RAPGEF4: variants seen among roughly 807,000 people sequenced by gnomAD.
The protein encoded by RAPGEF4 is RAP guanine-nucleotide-exchange factor (GEF) 4.
RAPGEF4 carries 66 observed loss-of-function variants against 147.9 expected under a neutral mutation model. The observed-to-expected ratio is 0.45, with a 90% CI of 0.37 to 0.55. The LOEUF is 0.55. Among genes scored for constraint, RAPGEF4 ranks in the 20% least tolerant of loss-of-function variants. RAPGEF4 has a pLI of 0.00. For missense variants in RAPGEF4, 1,071 were observed against 1,257.3 expected (o/e 0.85, Z 2.24); for synonymous variants, 419 against 442.7 (o/e 0.95, Z 0.67).
chr2:172,838,486 A>G (rs1359508153), intron 4 of RAPGEF4, among the ~76,000 whole-genome samples: 2 of 152,146 alleles, frequency 1.3e-5, no homozygotes, highest in Admixed American at 1.3e-4. Flanking sequence ...TTTATGACTA[A>G]AAGGAAAGGA....
At chr2:172,906,887 T>C (rs1699682417) in intron 4 of RAPGEF4, among the ~76,000 whole-genome samples, 1 of 152,244 alleles carries the variant, frequency 6.6e-6, no homozygotes, top group African/African-American at 2.4e-5. Flanking sequence ...GACATGCCTC[T>C]ATAATGTCTC....
chr2:172,799,381 T>C (rs1321748227), intron 3 of RAPGEF4, among the ~76,000 whole-genome samples: 1 of 152,156 alleles, frequency 6.6e-6, no homozygotes, highest in Non-Finnish European at 1.5e-5. Context: ...ACAGATGCTC[T>C]TCACCACTGC....
At chr2:172,793,754 C>T (rs1197816686) in intron 1 of RAPGEF4, among the ~76,000 whole-genome samples, 1 of 152,198 alleles carries the variant, frequency 6.6e-6, no homozygotes, top group African/African-American at 2.4e-5. Flanking sequence ...TTTGATTTAT[C>T]TTAATCCAGA....
chr2:172,829,742 G>A (rs888309373), intron 4 of RAPGEF4, among the ~76,000 whole-genome samples: 26 of 151,000 alleles, frequency 1.7e-4, no homozygotes, highest in Admixed American at 5.3e-4. Context: ...GGATTAGGTC[G>A]AATGTGAGCC....
intron 4 of RAPGEF4, among the ~76,000 whole-genome samples, chr2:172,866,359 A>G (rs1010358771): frequency 2.6e-5 from 4 of 151,770 alleles, no homozygotes; most frequent in Non-Finnish European, 4.4e-5. Context: ...TCAGTCCTTA[A>G]TTTTTCTATA....
At chr2:172,929,085 C>T (rs894495319) in intron 6 of RAPGEF4, among the ~76,000 whole-genome samples, 1 of 152,172 alleles carries the variant, frequency 6.6e-6, no homozygotes, top group African/African-American at 2.4e-5. Flanking sequence ...CATGTTATCT[C>T]AATTAACTGT....
intron 30 of RAPGEF4, 117 bp from the exon 31 acceptor site, chr2:173,051,523 A>C (rs1686239134): frequency 1.9e-6 from 2 of 1,052,184 alleles, no homozygotes; most frequent in Non-Finnish European, 2.6e-6. Context: ...GTGTGTTGAA[A>C]GGTCTTGAGG....
chr2:172,852,047 T>C (rs562811630), intron 4 of RAPGEF4, among the ~76,000 whole-genome samples: 2 of 152,362 alleles, frequency 1.3e-5, no homozygotes, highest in South Asian at 4.1e-4. Flanking sequence ...TTGCCATGAA[T>C]ATTTATAGAT....
chr2:172,850,622 A>G (rs948450619), intron 4 of RAPGEF4, among the ~76,000 whole-genome samples: 6 of 152,120 alleles, frequency 3.9e-5, no homozygotes, highest in Admixed American at 3.3e-4. Flanking sequence ...TGTCTCAAAA[A>G]AAAAAAAATT....
chr2:172,886,047 T>G (rs988865481), intron 4 of RAPGEF4, among the ~76,000 whole-genome samples: 1 of 152,148 alleles, frequency 6.6e-6, no homozygotes, highest in Non-Finnish European at 1.5e-5. Context: ...CTGCACCACC[T>G]TTCCTCTGTG....
chr2:172,876,732 G>T (rs947506205), intron 4 of RAPGEF4, among the ~76,000 whole-genome samples: 1 of 152,092 alleles, frequency 6.6e-6, no homozygotes, highest in Non-Finnish European at 1.5e-5. Context: ...TGTCTCTGCC[G>T]GGCTTTGGTA....
At chr2:172,802,951 C>T (rs1312996856) in intron 3 of RAPGEF4, among the ~76,000 whole-genome samples, 1 of 152,202 alleles carries the variant, frequency 6.6e-6, no homozygotes, top group African/African-American at 2.4e-5. Flanking sequence ...GTCTCATATT[C>T]AGGTCATGCT....
chr2:172,825,394 T>A (rs1021640507), intron 4 of RAPGEF4, among the ~76,000 whole-genome samples: 1 of 152,250 alleles, frequency 6.6e-6, no homozygotes, highest in Non-Finnish European at 1.5e-5. Flanking sequence ...ATTGTAAATT[T>A]GAACAATTCT....
chr2:173,028,781 A>G (rs189610333), intron 25 of RAPGEF4, among the ~76,000 whole-genome samples: 33 of 152,324 alleles, frequency 2.2e-4, no homozygotes, highest in Non-Finnish European at 4.0e-4. Flanking sequence ...ACCTCGTGAC[A>G]GTAGCATCTG....
chr2:172,735,895 C>G lies in RAPGEF4; in HGVS notation c.-89C>G. ...CCAGGCGTCCGGGAGGAGCGGGGTC[C>G]GCGCGGCGGACGAGGCGGGGGCGGA... On this transcript the variant is annotated 5_prime_UTR_variant, in exon 1 of 31. Coordinates refer to ENST00000397081, the MANE Select transcript of RAPGEF4 (RefSeq NM_007023.4). 1.7e-6 allele frequency: 2 copies of G among 1,160,270 alleles called. No individual in the cohort carries two copies. Among genetic ancestry groups the G allele is most frequent in the Non-Finnish European group, 2.2e-6 (2 of 908,928 alleles). 71.9% of individuals were successfully genotyped at this position (1,160,270 alleles called of 1,614,324 possible). A position where few individuals can be genotyped will look rare whatever the true frequency, so the allele number is the denominator to read the frequency against.
Position 173,034,735 on chromosome 2 carries a change from G to A in RAPGEF4, c.2700+771G>A, listed in dbSNP as rs928018466. ...CAAAAAATACAAAAATTAGCCAGAT[G>A]TGGTGGCCTACACCTGTGGTCCCAG... On this transcript the variant is annotated intron_variant, in intron 27 of 30. Transcript: ENST00000397081. Among the ~76,000 whole-genome samples, 9 of 152,024 alleles carry A rather than the reference G, an allele frequency of 5.9e-5. No individual in the cohort carries two copies. The South Asian group carries it at 6.3e-4, about 11-fold the overall frequency.
chr2:172,752,582 T>G (rs1233379753), intron 1 of RAPGEF4, among the ~76,000 whole-genome samples: 2 of 152,190 alleles, frequency 1.3e-5, no homozygotes, highest in African/African-American at 2.4e-5. Flanking sequence ...AACTATGTAG[T>G]TAGCATCCAG....
At chr2:172,789,702 G>T (rs1448188573) in intron 1 of RAPGEF4, among the ~76,000 whole-genome samples, 2 of 152,134 alleles carry the variant, frequency 1.3e-5, no homozygotes, top group African/African-American at 4.8e-5. Context: ...CTCATAAGTG[G>T]AAATATGCGG....
intron 3 of RAPGEF4, among the ~76,000 whole-genome samples, chr2:172,811,535 C>A (rs148533574): frequency 3.2e-4 from 49 of 152,324 alleles, no homozygotes; most frequent in African/African-American, 1.1e-3. Context: ...AATAAAAGTG[C>A]TCTTTTGAAT....
Sources: allele counts gnomAD v4.1 joint callset (sites outside exome capture counted in the v4.1 genomes callset), GRCh38; gene constraint gnomAD v4.1.1; transcripts MANE v1.5; gene names NCBI Gene and HGNC (gene_info 2026-07-23, HGNC 2026-07-21).